The following SEMA3G variants were observed in gnomAD, a reference collection of about 807,000 sequenced individuals.
The protein encoded by SEMA3G is semaphorin-3G.
In SEMA3G, 70 loss-of-function variants were observed where a neutral mutation model predicts 86.2. The ratio of observed to expected loss-of-function variants is 0.81; its 90% CI spans 0.67 to 0.99. The LOEUF (loss-of-function observed/expected upper bound fraction) is 0.99, where lower values mean the gene tolerates loss of function less well. SEMA3G is among the 50% of genes least tolerant of loss of function. The pLI is 0.00. For missense variants in SEMA3G, 1,002 were observed against 1,072.4 expected (o/e 0.93, Z 0.92); for synonymous variants, 416 against 441.4 (o/e 0.94, Z 0.72).
In SEMA3G at chr3:52,442,128, A is replaced by G. The variant is rs1244641889; in HGVS notation, c.459+57T>C. On this transcript the variant is annotated intron_variant, in intron 4 of 15. Coordinates refer to ENST00000231721, the MANE Select transcript of SEMA3G (RefSeq NM_020163.3). This position sits in a 1 kb window ranked among gnomAD's most constrained non-coding sequence, Gnocchi z 6.1. The stretch of plus-strand genomic sequence containing the variant: ...CCAGGCTCAATGGGAATGTTCAGGC[A>G]GCAGGGAGGAAATGTCACTGCCTCC... 1 of 1,568,722 alleles carries G rather than the reference A, an allele frequency of 6.4e-7. No individual in the cohort carries two copies. The highest frequency in any genetic ancestry group is 8.7e-7 in the Non-Finnish European group (1 of 1,154,956).
chr3:52,441,953 G>C (rs1297388329), intron 4 of SEMA3G, 44 bp from the exon 5 acceptor site: 1 of 1,458,364 alleles, frequency 6.9e-7, no homozygotes, highest in Non-Finnish European at 9.4e-7. Context: ...ACCTGGGAGA[G>C]AAGCACCAGC....
In SEMA3G at chr3:52,435,627, C is replaced by T. The variant is rs776988299; in HGVS notation, c.2325G>A (p.Thr775=). ...KSRVHAEHNR[T]PREVEAT Reference sequence around the variant, plus strand: ...TCTACGTGGCCTCCACCTCCCGGGGCGTCCGATTGTGCTCGGCATGCACCC... The same window carrying T: ...TCTACGTGGCCTCCACCTCCCGGGGTGTCCGATTGTGCTCGGCATGCACCC... Residue 775 remains threonine, a synonymous_variant, in exon 16 of 16, where the codon ACG becomes ACA. Coordinates refer to ENST00000231721, the MANE Select transcript of SEMA3G (RefSeq NM_020163.3). 36 of 1,612,898 alleles carry T rather than the reference C, an allele frequency of 2.2e-5. No individual in the cohort carries two copies. The highest frequency in any genetic ancestry group is 3.3e-5 in the Admixed American group (2 of 59,982).
At chr3:52,438,620 G>A (rs969408388) in intron 13 of SEMA3G, 88 of 985,498 alleles carry the variant, frequency 8.9e-5, no homozygotes, top group Middle Eastern at 5.2e-4. Flanking sequence ...GGCAAATATA[G>A]TAGGCCTCTA....
intron 15 of SEMA3G, 30 bp from the exon 16 acceptor site, chr3:52,436,103 G>A (rs1303150209): frequency 1.9e-6 from 3 of 1,572,618 alleles, no homozygotes; most frequent in African/African-American, 1.3e-5. Flanking sequence ...GCGTGAGTAG[G>A]GTGCAAGGTG....
rs648514 is a variant in SEMA3G, at chr3:52,433,247, G to A, written c.*2356C>T. On this transcript the variant is annotated 3_prime_UTR_variant, in exon 16 of 16. Transcript: ENST00000231721. ...CACTCAGGGTGACCTTCTTTCTCAT[G>A]GAATGGATGGGAGGGCTCTTCATTT... The A allele has an allele frequency of 0.43, 65,642 of 152,056 alleles. 14,675 individuals carry two copies. The highest frequency in any genetic ancestry group is 0.57 in the South Asian group (2,745 of 4,814). The allele number at this position is 152,056 out of a possible 1,614,324, so 9.4% of individuals were successfully genotyped here.
Position 52,442,824 on chromosome 3 carries a change from G to A in SEMA3G, c.199C>T (p.Arg67Ter), listed in dbSNP as rs761989831. Reference protein sequence around the residue: ...NLQAMYLDEYRDRLFLGGLDA... With the variant: ...NLQAMYLDEY ...AGGCCACCCAGAAAGAGGCGGTCTCGGTACTCATCTAGGTACATGGCCTGG... is the reference window on the plus strand; with the variant it reads ...AGGCCACCCAGAAAGAGGCGGTCTCAGTACTCATCTAGGTACATGGCCTGG... The change falls in exon 2 of 16, where the codon CGA (arginine) becomes TGA (stop). Residue 67 changes from arginine (R) to a stop codon, truncating the protein, a stop_gained. Coordinates refer to ENST00000231721, the MANE Select transcript of SEMA3G (RefSeq NM_020163.3). LOFTEE classifies it high-confidence loss of function. This position sits in a 1 kb window ranked among gnomAD's most constrained non-coding sequence, Gnocchi z 6.1. The A allele has an allele frequency of 1.5e-5, 24 of 1,613,134 alleles. No individual in the cohort carries two copies. In the South Asian group the frequency reaches 1.7e-4, roughly 11 times the overall value.
At chr3:52,440,189 C>G in intron 10 of SEMA3G, 91 bp from the exon 11 acceptor site, 1 of 1,241,530 alleles carries the variant, frequency 8.1e-7, no homozygotes, top group Non-Finnish European at 1.1e-6. Context: ...CCAGGGGGAC[C>G]TCTCTCACTG....
rs747648560 is a variant in SEMA3G at position 52,441,698 on chromosome 3, G to A, written c.551-8C>T. 3.7e-6 allele frequency: 6 copies of A among 1,610,734 alleles called. No homozygotes were observed. In the South Asian group the frequency reaches 5.5e-5, roughly 15 times the overall value. ...CCGTGTACAGCTCCCCGTCTGGGGT[G>A]GGGGTTGGGGAACAGAGTCAGGGGA... On this transcript the variant is annotated splice_polypyrimidine_tract_variant and splice_region_variant and intron_variant, in intron 5 of 15. Coordinates refer to ENST00000231721, the MANE Select transcript of SEMA3G (RefSeq NM_020163.3).
chr3:52,437,072 G>A (rs1706060636), intron 15 of SEMA3G, among the ~76,000 whole-genome samples: 1 of 152,198 alleles, frequency 6.6e-6, no homozygotes, highest in Non-Finnish European at 1.5e-5. Flanking sequence ...GAGGGTGGAG[G>A]GCAAGGACCA....
rs1322864081 is a variant in SEMA3G, at chr3:52,433,392, C to T, written c.*2211G>A. The T allele has an allele frequency of 6.6e-6, 1 of 152,572 alleles. No homozygotes were observed. Among genetic ancestry groups the T allele is most frequent in the Non-Finnish European group, 1.5e-5 (1 of 68,050 alleles). The allele number at this position is 152,572 out of a possible 1,614,324, so 9.5% of individuals were successfully genotyped here. ...TCCTTGTAAATTCAGCTTTTCTCAC[C>T]AGAGCTCAGGGGCAGTCATGACAAT... is the stretch of plus-strand genomic sequence containing the variant. On this transcript the variant is annotated 3_prime_UTR_variant, in exon 16 of 16. Coordinates refer to ENST00000231721, the MANE Select transcript of SEMA3G (RefSeq NM_020163.3).
chr3:52,444,501 AT>A (rs1706222036), intron 1 of SEMA3G, among the ~76,000 whole-genome samples: 1 of 148,974 alleles, frequency 6.7e-6, no homozygotes, highest in Non-Finnish European at 1.5e-5. Flanking sequence ...GCACACAAAC[AT>A]GGCACACGCA....
chr3:52,437,914 C>A, intron 14 of SEMA3G, 57 bp downstream of exon 14: 1 of 1,488,780 alleles, frequency 6.7e-7, no homozygotes, highest in South Asian at 1.1e-5. Flanking sequence ...GGGGTGGAGC[C>A]GGGCCACAGG....
intron 1 of SEMA3G, among the ~76,000 whole-genome samples, chr3:52,444,673 C>T (rs145830500): frequency 0.098 from 11,756 of 120,106 alleles, 897 homozygotes; most frequent in Middle Eastern, 0.24. Context: ...CACACAAACA[C>T]GGCACACGCA....
chr3:52,440,201 A>G, intron 10 of SEMA3G, 103 bp from the exon 11 acceptor site: 1 of 1,218,760 alleles, frequency 8.2e-7, no homozygotes. Context: ...CTCTCACTGC[A>G]GGAGGGCTCT....
chr3:52,435,874 G>A lies in SEMA3G; in HGVS notation c.2078C>T (p.Pro693Leu). ...FPPEPKPEEPPARGGLASTPP... is the reference protein window; with the variant it reads ...FPPEPKPEEPLARGGLASTPP... The stretch of plus-strand genomic sequence containing the variant: ...GGTGGAAGCCAGGCCTCCCCGGGCT[G>A]GGGGCTCCTCTGGCTTTGGCTCCGG... Residue 693 changes from proline (P) to leucine (L), a missense_variant, in exon 16 of 16, where the codon CCA becomes CTA. Transcript: ENST00000231721. 1 of 1,614,106 alleles carries A rather than the reference G, an allele frequency of 6.2e-7. No individual in the cohort carries two copies. The highest frequency in any genetic ancestry group is 8.5e-7 in the Non-Finnish European group (1 of 1,180,036).
intron 15 of SEMA3G, 112 bp downstream of exon 15, chr3:52,437,415 A>T: frequency 1.6e-6 from 2 of 1,218,804 alleles, no homozygotes; most frequent in Admixed American, 2.3e-5. Context: ...TTTTTAGGTT[A>T]ATCTTGGCAG....
chr3:52,438,863 A>G, intron 13 of SEMA3G, 57 bp downstream of exon 13: 2 of 1,605,174 alleles, frequency 1.2e-6, no homozygotes, highest in Non-Finnish European at 1.7e-6. Context: ...GCAGAGGAGG[A>G]GGCTGCGGAG....
Position 52,435,474 on chromosome 3 carries a change from G to A in SEMA3G, c.*129C>T. ...ATTAGACCCCAGTAGCGGTGTGGGG[G>A]CAGAGACACCTGTCTCTAAGAGGCA... is the stretch of plus-strand genomic sequence containing the variant. On this transcript the variant is annotated 3_prime_UTR_variant, in exon 16 of 16. Transcript: ENST00000231721. 1 of 849,400 alleles carries A rather than the reference G, an allele frequency of 1.2e-6. No homozygotes were observed. Among genetic ancestry groups the A allele is most frequent in the African/African-American group, 1.7e-5 (1 of 58,810 alleles). The allele number at this position is 849,400 out of a possible 1,614,324, so 52.6% of individuals were successfully genotyped here.
chr3:52,444,583 C>T (rs1706224743), intron 1 of SEMA3G, among the ~76,000 whole-genome samples: 1 of 150,508 alleles, frequency 6.6e-6, no homozygotes, highest in Non-Finnish European at 1.5e-5. Context: ...AAACACTGCA[C>T]ACGCACCCAA....
Sources: allele counts gnomAD v4.1 joint callset (sites outside exome capture counted in the v4.1 genomes callset), GRCh38; gene constraint gnomAD v4.1.1; non-coding constraint Gnocchi (gnomAD v3.1); transcripts MANE v1.5; gene names NCBI Gene and HGNC (gene_info 2026-07-23, HGNC 2026-07-21).